ZNF804B: variants seen among roughly 807,000 people sequenced by gnomAD.
The protein encoded by ZNF804B is zinc finger 804B.
In ZNF804B, 80 loss-of-function variants were observed where a neutral mutation model predicts 101.4. The ratio of observed to expected loss-of-function variants is 0.79; its 90% CI spans 0.66 to 0.95. The LOEUF is 0.95. Among genes scored for constraint, ZNF804B ranks in the 40% least tolerant of loss-of-function variants. The pLI is 0.00. For synonymous variants in ZNF804B, 622 were observed against 558.8 expected, an observed-to-expected ratio of 1.11 and a Z score of -1.59; for missense variants, 1,673 against 1,561.9, an observed-to-expected ratio of 1.07 and a Z score of -1.20.
intron 1 of ZNF804B, among the ~76,000 whole-genome samples, chr7:88,986,335 T>G (rs1426285927): frequency 6.6e-6 from 1 of 152,088 alleles, no homozygotes. Flanking sequence ...TTATTTCCTA[T>G]CCCACAGCAC....
intron 1 of ZNF804B, among the ~76,000 whole-genome samples, chr7:88,992,328 C>A (rs1793859076): frequency 6.6e-6 from 1 of 152,084 alleles, no homozygotes; most frequent in South Asian, 2.1e-4. Flanking sequence ...AAGAGAAAGT[C>A]ATGTGCTTGT....
intron 1 of ZNF804B, among the ~76,000 whole-genome samples, chr7:89,168,448 A>T (rs578202048): frequency 6.6e-6 from 1 of 152,222 alleles, no homozygotes; most frequent in Non-Finnish European, 1.5e-5. Context: ...GTACTAAGAT[A>T]CTTAATTTTT....
intron 1 of ZNF804B, among the ~76,000 whole-genome samples, chr7:88,894,465 G>A (rs566359501): frequency 1.3e-5 from 2 of 152,060 alleles, no homozygotes; most frequent in African/African-American, 4.8e-5. Flanking sequence ...ACCCACGTCA[G>A]CCTCCCAAAG....
At chr7:88,799,576 A>G (rs1050341605) in intron 1 of ZNF804B, among the ~76,000 whole-genome samples, 4 of 152,026 alleles carry the variant, frequency 2.6e-5, no homozygotes, top group Non-Finnish European at 4.4e-5. Context: ...AAACTTCTAC[A>G]TTATACCTAG....
chr7:89,335,133 C>A lies in ZNF804B; in HGVS notation c.2151C>A (p.Ser717Arg). Residue 717 changes from serine (S) to arginine (R), a missense_variant, in exon 4 of 4, where the codon AGC (serine) becomes AGA (arginine). Coordinates refer to ENST00000333190, the MANE Select transcript of ZNF804B (RefSeq NM_181646.5). The part of the protein sequence containing the change: ...RYSSSLDTSP[S>R]SMSSLRSTCS... Reference sequence around the variant, plus strand: ...CTTCCTCTTTGGACACATCCCCTAGCAGCATGTCTAGCTTGAGAAGTACTT... The same window carrying A: ...CTTCCTCTTTGGACACATCCCCTAGAAGCATGTCTAGCTTGAGAAGTACTT... 1 of 1,613,876 alleles carries A rather than the reference C, an allele frequency of 6.2e-7. No homozygotes were observed. Among genetic ancestry groups the A allele is most frequent in the Non-Finnish European group, 8.5e-7 (1 of 1,179,916 alleles).
intron 2 of ZNF804B, among the ~76,000 whole-genome samples, chr7:89,291,975 A>G (rs567805856): frequency 4.1e-4 from 63 of 152,252 alleles, no homozygotes; most frequent in African/African-American, 1.4e-3. Flanking sequence ...AAAGACAGGC[A>G]TAAGATATTT....
chr7:89,076,040 C>A (rs2116305206), intron 1 of ZNF804B, among the ~76,000 whole-genome samples: 1 of 152,306 alleles, frequency 6.6e-6, no homozygotes, highest in South Asian at 2.1e-4. Flanking sequence ...AACTAACTTG[C>A]TTTTGATTTT....
rs1246298087 is a variant in ZNF804B at position 89,335,663 on chromosome 7, G to A, written c.2681G>A (p.Gly894Glu). ...GKVRPMKCNS[G>E]NISCLLKNCS... The stretch of plus-strand genomic sequence containing the variant: ...GTCAGGCCCATGAAGTGTAACTCCG[G>A]GAATATCAGCTGCCTTCTAAAGAAC... The change falls in exon 4 of 4, where the codon GGG (glycine) becomes GAG (glutamate). Residue 894 changes from glycine (G) to glutamate (E), a missense_variant. Physicochemically the swap from Gly to Glu is moderately conservative, Grantham distance 98 (BLOSUM62 -2). Transcript: ENST00000333190. The A allele has an allele frequency of 2.3e-5, 37 of 1,613,944 alleles. No individual in the cohort carries two copies. Among genetic ancestry groups the A allele is most frequent in the Non-Finnish European group, 3.1e-5 (37 of 1,179,964 alleles).
chr7:88,876,698 G>T (rs1389136355), intron 1 of ZNF804B, among the ~76,000 whole-genome samples: 1 of 152,046 alleles, frequency 6.6e-6, no homozygotes, highest in Non-Finnish European at 1.5e-5. Context: ...CCTGCAAAAA[G>T]CTGTAAACTC....
At chr7:88,857,662 A>C (rs1310104081) in intron 1 of ZNF804B, among the ~76,000 whole-genome samples, 4 of 152,038 alleles carry the variant, frequency 2.6e-5, no homozygotes, top group Non-Finnish European at 4.4e-5. Flanking sequence ...AGATGGATTC[A>C]CAGCCTCATT....
intron 1 of ZNF804B, among the ~76,000 whole-genome samples, chr7:89,124,407 G>C (rs975380963): frequency 2.6e-5 from 4 of 152,142 alleles, no homozygotes; most frequent in Non-Finnish European, 4.4e-5. Context: ...ATGAGTGAAA[G>C]CATATACAAA....
rs189018270 is a variant in ZNF804B at position 88,929,195 on chromosome 7, C to T, written c.108+169111C>T. ...GTGGCCATCAATAGAAATTTAACTC[C>T]CAAGCCTCCTAATTAGTATTAAAAA... On this transcript the variant is annotated intron_variant, in intron 1 of 3. Transcript: ENST00000333190. Among the ~76,000 whole-genome samples, 288 of 151,888 alleles carry T rather than the reference C, an allele frequency of 1.9e-3. 2 individuals are homozygous for T. Among genetic ancestry groups the T allele is most frequent in the Non-Finnish European group, 3.0e-3 (205 of 67,874 alleles).
At chr7:89,101,287 T>A (rs1790051618) in intron 1 of ZNF804B, among the ~76,000 whole-genome samples, 2 of 151,986 alleles carry the variant, frequency 1.3e-5, no homozygotes, top group Admixed American at 1.3e-4. Flanking sequence ...TTTGGCGAGG[T>A]TGGCATTCAA....
chr7:88,884,382 A>G (rs1468137232), intron 1 of ZNF804B, among the ~76,000 whole-genome samples: 1 of 151,730 alleles, frequency 6.6e-6, no homozygotes, highest in Non-Finnish European at 1.5e-5. Context: ...TCTGACTTAC[A>G]TTGGTTATCT....
At chr7:89,205,333 C>T (rs188353224) in intron 1 of ZNF804B, among the ~76,000 whole-genome samples, 2 of 152,238 alleles carry the variant, frequency 1.3e-5, no homozygotes, top group East Asian at 1.9e-4. Context: ...CCTTCCACTG[C>T]CCCTCAAAGT....
rs566860843 is a variant in ZNF804B at position 88,993,202 on chromosome 7, A to G, written c.109-224953A>G. On this transcript the variant is annotated intron_variant, in intron 1 of 3. Coordinates refer to ENST00000333190, the MANE Select transcript of ZNF804B (RefSeq NM_181646.5). ...CATACTGATTTTATTTCTTTGGAAT[A>G]TTGTTATATCCATTAGGAAGAAGGT... Among the ~76,000 whole-genome samples, 28 of 152,138 alleles carry G rather than the reference A, an allele frequency of 1.8e-4. No individual in the cohort carries two copies. The South Asian group carries it at 3.5e-3, about 19-fold the overall frequency.
intron 2 of ZNF804B, among the ~76,000 whole-genome samples, chr7:89,268,543 C>T (rs142196934): frequency 3.2e-3 from 484 of 151,742 alleles, no homozygotes; most frequent in Non-Finnish European, 5.2e-3. Flanking sequence ...TTCCAGGCAG[C>T]AAGGCACAAA....
At chr7:88,989,407 G>A (rs73401241) in intron 1 of ZNF804B, among the ~76,000 whole-genome samples, 5,822 of 152,122 alleles carry the variant, frequency 0.038, 388 homozygotes, top group African/African-American at 0.13. Context: ...ACTGAGCCAC[G>A]TTGGCATCTT....
intron 2 of ZNF804B, among the ~76,000 whole-genome samples, chr7:89,224,231 A>G (rs1388277724): frequency 1.3e-5 from 2 of 152,014 alleles, no homozygotes; most frequent in East Asian, 3.9e-4. Flanking sequence ...TCCACATGTG[A>G]CGCTTCATCC....
Sources: allele counts gnomAD v4.1 joint callset (sites outside exome capture counted in the v4.1 genomes callset), GRCh38; gene constraint gnomAD v4.1.1; transcripts MANE v1.5; gene names NCBI Gene and HGNC (gene_info 2026-07-23, HGNC 2026-07-21).